The following TMOD1 variants were observed in gnomAD, a reference collection of about 807,000 sequenced individuals.
The protein encoded by TMOD1 is tropomodulin 1.
TMOD1 carries 17 observed loss-of-function variants against 40.6 expected under a neutral mutation model. The observed-to-expected ratio is 0.42, with a 90% CI of 0.29 to 0.63. TMOD1 has a LOEUF of 0.63. Among genes scored for constraint, TMOD1 ranks in the 20% least tolerant of loss-of-function variants. TMOD1 has a pLI of 0.22. For synonymous variants in TMOD1, 181 were observed against 175.0 expected, an observed-to-expected ratio of 1.03 and a Z score of -0.27; for missense variants, 391 against 447.6, an observed-to-expected ratio of 0.87 and a Z score of 1.14.
chr9:97,584,298 C>T (rs527972854), intron 8 of TMOD1, among the ~76,000 whole-genome samples: 3 of 152,194 alleles, frequency 2.0e-5, no homozygotes, highest in East Asian at 1.9e-4. Flanking sequence ...AGTTTCCATG[C>T]AGTTGAGCAG....
chr9:97,533,803 T>C (rs1280726703), intron 2 of TMOD1, among the ~76,000 whole-genome samples: 2 of 152,232 alleles, frequency 1.3e-5, no homozygotes, highest in East Asian at 3.8e-4. Context: ...AGGGTGCAGC[T>C]TCGCTACAAG....
chr9:97,533,426 G>C (rs1412150642), intron 2 of TMOD1, among the ~76,000 whole-genome samples: 1 of 152,224 alleles, frequency 6.6e-6, no homozygotes, highest in African/African-American at 2.4e-5. Context: ...CAGATACAGT[G>C]CAGCCAGGTA....
chr9:97,601,253 C>T lies in TMOD1; in HGVS notation c.*1555C>T, dbSNP rs1826251953. 2.4e-6 allele frequency: 3 copies of T among 1,227,282 alleles called. No individual in the cohort carries two copies. The Admixed American group carries it at 8.3e-5, about 34-fold the overall frequency. 76.0% of individuals were successfully genotyped at this position (1,227,282 alleles called of 1,614,324 possible). A position where few individuals can be genotyped will look rare whatever the true frequency, so the allele number is the denominator to read the frequency against. ...ATAATATTAAATCTGTTGGTCTATG[C>T]ATGGCTGCGTATGTGTTTCTTGGAA... On this transcript the variant is annotated 3_prime_UTR_variant, in exon 10 of 10. Transcript: ENST00000259365.
At chr9:97,591,207 C>A in intron 8 of TMOD1, 84 bp from the exon 9 acceptor site, 1 of 1,397,124 alleles carries the variant, frequency 7.2e-7, no homozygotes, top group East Asian at 2.5e-5. Context: ...TCAAGAGTTT[C>A]TGCAGGTAGA....
chr9:97,559,771 T>TAAAAAAAAA lies in TMOD1; in HGVS notation c.398-2961_398-2960insAAAAAAAAA, dbSNP rs1830589569. Among the ~76,000 whole-genome samples, 14 of 63,326 alleles carry TAAAAAAAAA rather than the reference T, an allele frequency of 2.2e-4. 3 individuals are homozygous for TAAAAAAAAA. The East Asian group carries it at 2.8e-3, about 13-fold the overall frequency. The allele number at this position is 63,326 out of a possible 152,430, so 41.5% of individuals were successfully genotyped here. On this transcript the variant is annotated intron_variant, in intron 4 of 9. Transcript: ENST00000259365. ...CAGAGCGAGACTCCGCCTCAAAAAT[T>TAAAAAAAAA]TAAAAAAAAAAAAAAAAAAAAAAAT... is the stretch of plus-strand genomic sequence containing the variant.
intron 8 of TMOD1, among the ~76,000 whole-genome samples, chr9:97,579,646 C>T (rs952213339): frequency 1.3e-5 from 2 of 152,142 alleles, no homozygotes; most frequent in Admixed American, 1.3e-4. Context: ...AACTATACAT[C>T]GTTTTCATTT....
At position 97,600,012 on chromosome 9, in the gene TMOD1, T is replaced by C; in HGVS notation, c.*314T>C. The C allele has an allele frequency of 1.0e-5, 12 of 1,153,984 alleles. No individual in the cohort carries two copies. Among genetic ancestry groups the C allele is most frequent in the Non-Finnish European group, 1.3e-5 (12 of 929,426 alleles). 71.5% of individuals were successfully genotyped at this position (1,153,984 alleles called of 1,614,324 possible). A position where few individuals can be genotyped will look rare whatever the true frequency, so the allele number is the denominator to read the frequency against. The stretch of plus-strand genomic sequence containing the variant: ...CTTAGCCCCAGGAGCCCAGTTTCAA[T>C]GGCCTTGCTGTGTGGTGTTTCAAGT... On this transcript the variant is annotated 3_prime_UTR_variant, in exon 10 of 10. Coordinates refer to ENST00000259365, the MANE Select transcript of TMOD1 (RefSeq NM_003275.4).
At chr9:97,584,416 TC>T (rs1288758504) in intron 8 of TMOD1, among the ~76,000 whole-genome samples, 1 of 151,140 alleles carries the variant, frequency 6.6e-6, no homozygotes, top group Non-Finnish European at 1.5e-5. Context: ...GAGCTTTACT[TC>T]CCAGTATGTG....
chr9:97,528,159 G>A (rs1013641388), intron 2 of TMOD1, among the ~76,000 whole-genome samples: 11 of 152,170 alleles, frequency 7.2e-5, no homozygotes, highest in Non-Finnish European at 1.3e-4. Flanking sequence ...CAGCTTTCCC[G>A]CCCAGGTGAT....
intron 7 of TMOD1, among the ~76,000 whole-genome samples, chr9:97,566,653 A>T (rs2131268381): frequency 6.6e-6 from 1 of 152,300 alleles, no homozygotes; most frequent in South Asian, 2.1e-4. Flanking sequence ...CTTGGGCGAC[A>T]GAGCGAGGCT....
chr9:97,537,493 T>C (rs10982602), intron 2 of TMOD1, among the ~76,000 whole-genome samples: 13,742 of 152,292 alleles, frequency 0.09, 790 homozygotes, highest in Non-Finnish European at 0.13. Context: ...TGCAGGGTGT[T>C]AGAGCTCCTA....
At chr9:97,517,309 C>T (rs1020523362) in intron 1 of TMOD1, among the ~76,000 whole-genome samples, 1 of 151,518 alleles carries the variant, frequency 6.6e-6, no homozygotes, top group Non-Finnish European at 1.5e-5. Flanking sequence ...ATGATTATAT[C>T]ACTACACTCC....
chr9:97,594,315 A>G (rs913333897), intron 9 of TMOD1, among the ~76,000 whole-genome samples: 2 of 152,204 alleles, frequency 1.3e-5, no homozygotes, highest in African/African-American at 4.8e-5. Context: ...TGTAAGAGAA[A>G]TGTTTGTTAT....
At chr9:97,573,538 G>T (rs781303294) in intron 8 of TMOD1, among the ~76,000 whole-genome samples, 2 of 152,146 alleles carry the variant, frequency 1.3e-5, no homozygotes, top group Non-Finnish European at 2.9e-5. Context: ...AACTTAAACA[G>T]CCTCAGAATC....
At chr9:97,512,761 T>C (rs1236481178) in intron 1 of TMOD1, 1 of 151,114 alleles carries the variant, frequency 6.6e-6, no homozygotes, top group Non-Finnish European at 1.5e-5. Flanking sequence ...ATAAATATAT[T>C]ATTTTATATA....
intron 7 of TMOD1, among the ~76,000 whole-genome samples, chr9:97,568,150 C>A (rs1320862866): frequency 2.6e-5 from 4 of 152,128 alleles, no homozygotes; most frequent in African/African-American, 4.8e-5. Context: ...ATGAAGAAAA[C>A]CATGTCTCCA....
At chr9:97,575,295 G>A (rs117940904) in intron 8 of TMOD1, among the ~76,000 whole-genome samples, 1,863 of 152,306 alleles carry the variant, frequency 0.012, 15 homozygotes, top group Non-Finnish European at 0.019. Context: ...TGATCCAGGA[G>A]ACCACAAACC....
chr9:97,547,574 C>T (rs549210514), intron 3 of TMOD1, among the ~76,000 whole-genome samples: 3 of 152,178 alleles, frequency 2.0e-5, no homozygotes, highest in Admixed American at 6.5e-5. Flanking sequence ...CTCTGTCAAG[C>T]GCTTAGAACA....
intron 1 of TMOD1, 64 bp downstream of exon 1, chr9:97,501,867 G>A (rs1829507271): frequency 6.6e-6 from 1 of 152,560 alleles, no homozygotes; most frequent in Non-Finnish European, 1.5e-5. Flanking sequence ...CCGCTCCGGG[G>A]CCTCAGCCAT....
Sources: allele counts gnomAD v4.1 joint callset (sites outside exome capture counted in the v4.1 genomes callset), GRCh38; gene constraint gnomAD v4.1.1; transcripts MANE v1.5; gene names NCBI Gene and HGNC (gene_info 2026-07-23, HGNC 2026-07-21).